The following RASA3 variants were observed in gnomAD, a reference collection of about 807,000 sequenced individuals.
RASA3 encodes the protein RAS p21 protein activator 3, also known as ras GTPase-activating protein 3.
RASA3 carries 73 observed loss-of-function variants against 110.0 expected under a neutral mutation model. The ratio of observed to expected loss-of-function variants is 0.66; its 90% CI spans 0.55 to 0.81. RASA3 has a LOEUF of 0.81. Among genes scored for constraint, RASA3 ranks in the 30% least tolerant of loss-of-function variants. The pLI is 0.00. For synonymous variants in RASA3, 500 were observed against 451.4 expected (o/e 1.11, Z -1.37); for missense variants, 976 against 1,113.2 (o/e 0.88, Z 1.75).
intron 1 of RASA3, among the ~76,000 whole-genome samples, chr13:114,126,157 A>G (rs905723902): frequency 1.5e-5 from 2 of 129,730 alleles, no homozygotes; most frequent in African/African-American, 5.8e-5. Flanking sequence ...CTCCAGAGGT[A>G]CCGGCACCTG....
intron 12 of RASA3, among the ~76,000 whole-genome samples, chr13:114,016,872 CG>C (rs2053805045): frequency 2.0e-5 from 3 of 152,052 alleles, no homozygotes; most frequent in Admixed American, 2.0e-4. Flanking sequence ...ATCAGAGGGT[CG>C]GGTGAGGACT....
chr13:114,024,115 G>A (rs1387147465), intron 8 of RASA3, among the ~76,000 whole-genome samples, 164 bp downstream of exon 8: 1 of 152,238 alleles, frequency 6.6e-6, no homozygotes, highest in Non-Finnish European at 1.5e-5. Flanking sequence ...ACCACCCACA[G>A]GCTGTCACTT....
chr13:114,053,861 C>A (rs1427056243), intron 2 of RASA3, among the ~76,000 whole-genome samples: 1 of 152,270 alleles, frequency 6.6e-6, no homozygotes, highest in African/African-American at 2.4e-5. Context: ...TGCTGTGGCT[C>A]ACGCCTGTAA....
chr13:114,051,252 C>T (rs934809254), intron 3 of RASA3, among the ~76,000 whole-genome samples: 2 of 152,220 alleles, frequency 1.3e-5, no homozygotes, highest in Non-Finnish European at 2.9e-5. Context: ...CAGGCTGTGG[C>T]AGCCAGTACA....
chr13:114,029,706 G>A (rs937114643), intron 5 of RASA3, 105 bp downstream of exon 5: 113 of 1,001,754 alleles, frequency 1.1e-4, no homozygotes, highest in Non-Finnish European at 1.5e-4. Context: ...GGCAGCCACC[G>A]GCTCTGGAAA....
chr13:114,021,375 G>A (rs748161035), intron 9 of RASA3, 29 bp downstream of exon 9: 8 of 1,594,184 alleles, frequency 5.0e-6, no homozygotes, highest in South Asian at 3.3e-5. Context: ...TCAGAGATGC[G>A]GAAGTCTGCA....
intron 3 of RASA3, among the ~76,000 whole-genome samples, chr13:114,042,277 T>C (rs1265845435): frequency 6.6e-6 from 1 of 152,206 alleles, no homozygotes; most frequent in Non-Finnish European, 1.5e-5. Flanking sequence ...ACCCTGCCAG[T>C]GGCCTCCGCA....
intron 1 of RASA3, among the ~76,000 whole-genome samples, chr13:114,097,832 C>T (rs997990449): frequency 7.2e-5 from 11 of 152,194 alleles, no homozygotes; most frequent in African/African-American, 2.7e-4. Context: ...GTGGATGCCT[C>T]AGGAAGGCCC....
intron 14 of RASA3, among the ~76,000 whole-genome samples, chr13:114,013,688 ATC>A (rs533701529): frequency 0.012 from 267 of 22,692 alleles, 4 homozygotes; most frequent in African/African-American, 0.061. Context: ...CTCTCTCCCT[ATC>A]TCTGTCTCTC....
rs1215322133 is a variant in RASA3, at chr13:114,115,884, T to G, written c.55+16551A>C. Among the ~76,000 whole-genome samples the G allele has an allele frequency of 6.6e-6, 1 of 152,248 alleles. No homozygotes were observed. Among genetic ancestry groups the G allele is most frequent in the Non-Finnish European group, 1.5e-5 (1 of 68,040 alleles). ...ATTCTTCTTGGTTAATATTTTACTTTCTGTCATAACCAGCAGGCTTAAAGA... is the reference window on the plus strand; with the variant it reads ...ATTCTTCTTGGTTAATATTTTACTTGCTGTCATAACCAGCAGGCTTAAAGA... On this transcript the variant is annotated intron_variant, in intron 1 of 23. Transcript: ENST00000334062. The surrounding 1 kb of genome is among the most constrained non-coding windows in gnomAD (Gnocchi z 5.0).
chr13:114,021,292 G>A (rs1029094469), intron 9 of RASA3, 112 bp downstream of exon 9: 8 of 891,806 alleles, frequency 9.0e-6, no homozygotes, highest in Admixed American at 8.5e-5. Flanking sequence ...GGTGGGTGCT[G>A]GGCACAGCCG....
At chr13:114,062,163 G>A (rs1266449452) in intron 2 of RASA3, among the ~76,000 whole-genome samples, 1 of 149,010 alleles carries the variant, frequency 6.7e-6, no homozygotes, top group Non-Finnish European at 1.5e-5. Context: ...CCATTTATGT[G>A]CAAGTTTTTA....
rs199808761 is a variant in RASA3 at position 114,024,274 on chromosome 13, C to G, written c.680+5G>C. On this transcript the variant is annotated splice_donor_5th_base_variant and intron_variant, in intron 8 of 23. Coordinates refer to ENST00000334062, the MANE Select transcript of RASA3 (RefSeq NM_007368.4). ...AGTTGGGGACGCGGAGCCTGGTTTT[C>G]TCACCTGATTTCGAGCTTGTCCACG... The G allele has an allele frequency of 3.1e-6, 5 of 1,613,918 alleles. 1 individual carries two copies. In the South Asian group the frequency reaches 4.4e-5, roughly 14 times the overall value.
At chr13:114,120,630 C>G (rs1470260281) in intron 1 of RASA3, among the ~76,000 whole-genome samples, 2 of 152,236 alleles carry the variant, frequency 1.3e-5, no homozygotes, top group Non-Finnish European at 2.9e-5. Flanking sequence ...AGCCAGGCAT[C>G]AATGCCGTTC....
At position 114,024,341 on chromosome 13, in the gene RASA3, A is replaced by G. The variant is rs367666216; in HGVS notation, c.618T>C (p.Cys206=). 2.7e-5 allele frequency: 44 copies of G among 1,613,680 alleles called. No homozygotes were observed. The highest frequency in any genetic ancestry group is 3.6e-5 in the Non-Finnish European group (42 of 1,179,872). The change falls in exon 8 of 24, where the codon TGT becomes TGC. Residue 206 remains cysteine, a synonymous_variant. Transcript: ENST00000334062. Reference sequence around the variant, plus strand: ...CAAAGTGGGACTTCTTGCTGTAGCTACAGGGCCGGGTCACCTGGAGTCAGA... The same window carrying G: ...CAAAGTGGGACTTCTTGCTGTAGCTGCAGGGCCGGGTCACCTGGAGTCAGA... ...EVFYFEVTRP[C]SYSKKSHFDF...
chr13:114,015,546 C>CG (rs1355827904), intron 13 of RASA3, among the ~76,000 whole-genome samples: 1 of 152,254 alleles, frequency 6.6e-6, no homozygotes, highest in East Asian at 1.9e-4. Context: ...GGCACCACGT[C>CG]GGCTCCCCGG....
At chr13:114,026,404 A>T (rs749050616) in intron 7 of RASA3, among the ~76,000 whole-genome samples, 1 of 152,208 alleles carries the variant, frequency 6.6e-6, no homozygotes, top group Non-Finnish European at 1.5e-5. Context: ...CCGCCTGTCT[A>T]TAAGTGAGGC....
At chr13:114,001,879 C>T (rs963169117) in intron 18 of RASA3, among the ~76,000 whole-genome samples, 3 of 152,402 alleles carry the variant, frequency 2.0e-5, no homozygotes, top group East Asian at 3.9e-4. Context: ...CCCCTCAGGG[C>T]CAGCCCTGCT....
chr13:114,011,167 T>A lies in RASA3; in HGVS notation c.1590+4A>T. On this transcript the variant is annotated splice_donor_region_variant and intron_variant, in intron 16 of 23. Coordinates refer to ENST00000334062, the MANE Select transcript of RASA3 (RefSeq NM_007368.4). This position sits in a 1 kb window ranked among gnomAD's most constrained non-coding sequence, Gnocchi z 4.8. ...AAAAGAGAAAATGAAGAAGAGGGAC[T>A]CACAGATTTGGACTTGGACAGGCTG... 1 of 1,604,606 alleles carries A rather than the reference T, an allele frequency of 6.2e-7. No individual in the cohort carries two copies. The highest frequency in any genetic ancestry group is 8.5e-7 in the Non-Finnish European group (1 of 1,172,342).
Sources: allele counts gnomAD v4.1 joint callset (sites outside exome capture counted in the v4.1 genomes callset), GRCh38; gene constraint gnomAD v4.1.1; non-coding constraint Gnocchi (gnomAD v3.1); transcripts MANE v1.5; gene names NCBI Gene and HGNC (gene_info 2026-07-23, HGNC 2026-07-21).